Variants in WDR25 observed in about 807,000 individuals in gnomAD.
WDR25 encodes the protein WD repeat-containing protein 25.
In WDR25, 35 loss-of-function variants were observed where a neutral mutation model predicts 47.7. The observed-to-expected ratio is 0.73, with a 90% CI of 0.56 to 0.97. WDR25 has a LOEUF of 0.97. Ranked by LOEUF, WDR25 falls within the 50% of genes least tolerant of loss-of-function variation. The pLI is 0.00. For synonymous variants in WDR25, 248 were observed against 278.9 expected (o/e 0.89, Z 1.10); for missense variants, 634 against 704.7 (o/e 0.90, Z 1.14).
chr14:100,489,780 A>C (rs1467892700), intron 4 of WDR25, among the ~76,000 whole-genome samples: 1 of 152,150 alleles, frequency 6.6e-6, no homozygotes, highest in African/African-American at 2.4e-5. Flanking sequence ...CCTGAGAAAA[A>C]GAGTTGCAGA....
At chr14:100,398,185 A>G (rs1897301295) in intron 2 of WDR25, among the ~76,000 whole-genome samples, 1 of 152,216 alleles carries the variant, frequency 6.6e-6, no homozygotes, top group Non-Finnish European at 1.5e-5. Flanking sequence ...AGGTTGCAAT[A>G]CATGCTCTTC....
intron 1 of WDR25, chr14:100,376,846 C>A: frequency 2.1e-6 from 2 of 948,456 alleles, no homozygotes; most frequent in Non-Finnish European, 2.7e-6. Flanking sequence ...ATGGGAATAT[C>A]CTATTTCTTT....
intron 1 of WDR25, among the ~76,000 whole-genome samples, chr14:100,377,223 A>T: frequency 6.6e-6 from 1 of 152,240 alleles, no homozygotes; most frequent in East Asian, 1.9e-4. Context: ...GCACGGTTCC[A>T]TTAGTTTATA....
rs1189408895 is a variant in WDR25, at chr14:100,488,098, T to G, written c.1101+3974T>G. Among the ~76,000 whole-genome samples, 1 of 152,222 alleles carries G rather than the reference T, an allele frequency of 6.6e-6. No homozygotes were observed. Among genetic ancestry groups the G allele is most frequent in the Non-Finnish European group, 1.5e-5 (1 of 68,038 alleles). On this transcript the variant is annotated intron_variant, in intron 4 of 6. Transcript: ENST00000402312. This position sits in a 1 kb window ranked among gnomAD's most constrained non-coding sequence, Gnocchi z 4.2. ...CAATTCATTACAGCAAATGGGCTGT[T>G]TGGCTCCCTGTCTCCTCTTCTTGGT...
chr14:100,393,693 G>A (rs189234933), intron 2 of WDR25, among the ~76,000 whole-genome samples: 16 of 152,314 alleles, frequency 1.1e-4, no homozygotes, highest in African/African-American at 3.6e-4. Flanking sequence ...GAAAGGGAGC[G>A]AGGGCTGTTT....
chr14:100,480,969 G>T, intron 3 of WDR25: 2 of 423,256 alleles, frequency 4.7e-6, no homozygotes, highest in Non-Finnish European at 9.4e-6. Context: ...AGGAAGGTCA[G>T]CTCTGCTGAA....
chr14:100,437,113 C>T (rs903029976), intron 2 of WDR25, among the ~76,000 whole-genome samples: 1 of 152,120 alleles, frequency 6.6e-6, no homozygotes, highest in Non-Finnish European at 1.5e-5. Flanking sequence ...TGCTTGTATG[C>T]ATGTTTGATT....
At chr14:100,505,860 C>G (rs965128109) in intron 4 of WDR25, among the ~76,000 whole-genome samples, 1 of 152,034 alleles carries the variant, frequency 6.6e-6, no homozygotes, top group Non-Finnish European at 1.5e-5. Flanking sequence ...ATTTCATTTT[C>G]CAGTTGTTTG....
intron 2 of WDR25, among the ~76,000 whole-genome samples, chr14:100,393,306 G>C (rs528963328): frequency 6.6e-6 from 1 of 152,336 alleles, no homozygotes; most frequent in Non-Finnish European, 1.5e-5. Flanking sequence ...TAGTTGAAAT[G>C]TTATTTTGAA....
chr14:100,483,290 A>G (rs1900267514), intron 3 of WDR25, among the ~76,000 whole-genome samples: 1 of 152,202 alleles, frequency 6.6e-6, no homozygotes, highest in Non-Finnish European at 1.5e-5. Context: ...ATATATGTAC[A>G]TACACAGACA....
chr14:100,517,106 GTTTTTTTTTTTT>G (rs796096587), intron 4 of WDR25, among the ~76,000 whole-genome samples: 32 of 65,892 alleles, frequency 4.9e-4, no homozygotes, highest in South Asian at 2.3e-3. Context: ...TATCTCCTCT[GTTTTTTTTTTTT>G]TTTTTTTTTT....
chr14:100,406,823 CA>C (rs1304313166), intron 2 of WDR25: 1 of 152,362 alleles, frequency 6.6e-6, no homozygotes, highest in East Asian at 1.9e-4. Context: ...AAAGACACAC[CA>C]TGGGGATAGA....
chr14:100,421,448 C>G (rs1014066469), intron 2 of WDR25, among the ~76,000 whole-genome samples: 8 of 152,184 alleles, frequency 5.3e-5, no homozygotes, highest in Non-Finnish European at 1.2e-4. Flanking sequence ...TACCCCTGCC[C>G]TATCACACTG....
chr14:100,460,706 A>T (rs931127112), intron 2 of WDR25, among the ~76,000 whole-genome samples: 4 of 152,158 alleles, frequency 2.6e-5, no homozygotes, highest in African/African-American at 9.7e-5. Context: ...TTAAACTGAT[A>T]AGAGGCACCA....
intron 1 of WDR25, among the ~76,000 whole-genome samples, chr14:100,379,474 A>C (rs1432906478): frequency 7.5e-6 from 1 of 134,120 alleles, no homozygotes; most frequent in Admixed American, 8.0e-5. Context: ...TGCAACCTCC[A>C]CCTCCCGGGT....
In WDR25 at chr14:100,404,727, C is replaced by T. The variant is rs917353296; in HGVS notation, c.822+22981C>T. On this transcript the variant is annotated intron_variant, in intron 2 of 6. Transcript: ENST00000402312. The surrounding 1 kb of genome is among the most constrained non-coding windows in gnomAD (Gnocchi z 4.6). ...GAGATGCTGACCTGACTCTGTTTCT[C>T]TAGGGCCATGATCCTGACTCTGAAA... Among the ~76,000 whole-genome samples, 1 of 152,192 alleles carries T rather than the reference C, an allele frequency of 6.6e-6. No individual in the cohort carries two copies.
In WDR25 at chr14:100,529,406, C is replaced by T. The variant is rs967973547; in HGVS notation, c.1413+198C>T. 14 of 786,934 alleles carry T rather than the reference C, an allele frequency of 1.8e-5. No individual in the cohort carries two copies. The highest frequency in any genetic ancestry group is 2.0e-5 in the Non-Finnish European group (10 of 504,836). 48.7% of individuals were successfully genotyped at this position (786,934 alleles called of 1,614,324 possible). Reference sequence around the variant, plus strand: ...CATCTGGTCCTCACCCCAGGCCCCACGTACTGGGCAGGAAGCAGTAGTTGG... The same window carrying T: ...CATCTGGTCCTCACCCCAGGCCCCATGTACTGGGCAGGAAGCAGTAGTTGG... On this transcript the variant is annotated intron_variant, in intron 6 of 6. Transcript: ENST00000402312. The surrounding 1 kb of genome is among the most constrained non-coding windows in gnomAD (Gnocchi z 5.1).
At chr14:100,511,767 G>A (rs1019908862) in intron 4 of WDR25, among the ~76,000 whole-genome samples, 13 of 152,126 alleles carry the variant, frequency 8.5e-5, no homozygotes, top group Admixed American at 6.5e-4. Flanking sequence ...CAGTTTGAAT[G>A]TACTCCCTTT....
intron 2 of WDR25, among the ~76,000 whole-genome samples, chr14:100,420,885 G>A (rs899728907): frequency 3.3e-5 from 5 of 152,190 alleles, no homozygotes; most frequent in Admixed American, 2.0e-4. Context: ...GACCCTGGCT[G>A]TTTGCATCTT....
Sources: allele counts gnomAD v4.1 joint callset (sites outside exome capture counted in the v4.1 genomes callset), GRCh38; gene constraint gnomAD v4.1.1; non-coding constraint Gnocchi (gnomAD v3.1); transcripts MANE v1.5; gene names NCBI Gene and HGNC (gene_info 2026-07-23, HGNC 2026-07-21).